The following ZNF385D variants were observed in gnomAD, a reference collection of about 807,000 sequenced individuals.
ZNF385D encodes zinc finger protein 385D, also known as zinc finger protein 659.
A neutral mutation model predicts 35.8 loss-of-function variants in ZNF385D; 15 were observed. The ratio of observed to expected loss-of-function variants is 0.42; its 90% CI spans 0.28 to 0.64. ZNF385D has a LOEUF of 0.64. ZNF385D is among the 30% of genes least tolerant of loss of function. ZNF385D has a pLI of 0.23. For synonymous variants in ZNF385D, 212 were observed against 186.8 expected (o/e 1.13, Z -1.10); for missense variants, 474 against 494.6 (o/e 0.96, Z 0.39).
rs575478577 is a variant in ZNF385D, at chr3:21,859,028, A to G, written c.326-194000T>C. Among the ~76,000 whole-genome samples, 15 of 152,176 alleles carry G rather than the reference A, an allele frequency of 9.9e-5. No individual in the cohort carries two copies. The South Asian group carries it at 3.1e-3, about 32-fold the overall frequency. On this transcript the variant is annotated intron_variant, in intron 3 of 5. Coordinates refer to the ZNF385D transcript ENST00000494108. ...AGATATCACAATCATCCTCATACAT[A>G]TAACGGGGGGAAGTAGGCGGGGAGA...
At chr3:21,981,283 CATT>C (rs1694430626) in intron 3 of ZNF385D, among the ~76,000 whole-genome samples, 1 of 152,136 alleles carries the variant, frequency 6.6e-6, no homozygotes, top group African/African-American at 2.4e-5. Context: ...GATGGTAACT[CATT>C]GTGGTTTTGA....
chr3:21,516,283 C>G (rs891648625), intron 3 of ZNF385D, among the ~76,000 whole-genome samples: 1 of 152,158 alleles, frequency 6.6e-6, no homozygotes, highest in Non-Finnish European at 1.5e-5. Context: ...AACTGGTTTT[C>G]TGTGTGCAGT....
intron 2 of ZNF385D, among the ~76,000 whole-genome samples, chr3:21,570,680 A>C (rs2063308368): frequency 6.6e-6 from 1 of 152,152 alleles, no homozygotes; most frequent in African/African-American, 2.4e-5. Flanking sequence ...ATCCTAAGTT[A>C]CTGAGGAGCT....
chr3:21,746,625 T>C (rs987733345), intron 1 of ZNF385D, among the ~76,000 whole-genome samples: 1 of 152,216 alleles, frequency 6.6e-6, no homozygotes, highest in Non-Finnish European at 1.5e-5. Flanking sequence ...ACTTTAGACA[T>C]AGAAGTTTCT....
At chr3:21,530,660 G>GT (rs960729922) in intron 3 of ZNF385D, among the ~76,000 whole-genome samples, 3 of 151,882 alleles carry the variant, frequency 2.0e-5, no homozygotes, top group South Asian at 2.1e-4. Flanking sequence ...GATCAAACAA[G>GT]TTTTTTTTCG....
chr3:21,771,780 T>C (rs1322677592), intron 3 of ZNF385D, among the ~76,000 whole-genome samples: 2 of 151,584 alleles, frequency 1.3e-5, no homozygotes, highest in Non-Finnish European at 1.5e-5. Flanking sequence ...GCAAATACAA[T>C]CTTGAAAATA....
chr3:21,663,279 G>A (rs2066292224), intron 2 of ZNF385D, among the ~76,000 whole-genome samples: 1 of 152,140 alleles, frequency 6.6e-6, no homozygotes, highest in African/African-American at 2.4e-5. Flanking sequence ...TATGTTAAAT[G>A]ATATTCATTG....
chr3:21,783,333 G>A (rs985072783), intron 3 of ZNF385D, among the ~76,000 whole-genome samples: 1 of 152,112 alleles, frequency 6.6e-6, no homozygotes, highest in Admixed American at 6.6e-5. Flanking sequence ...CTCCCAGGGA[G>A]TCTCAAATAT....
chr3:21,429,925 T>C (rs1045451787), intron 5 of ZNF385D, among the ~76,000 whole-genome samples: 2 of 150,416 alleles, frequency 1.3e-5, no homozygotes, highest in East Asian at 3.9e-4. Context: ...TGCAAAGCTG[T>C]TTTTTTTTGC....
intron 3 of ZNF385D, among the ~76,000 whole-genome samples, chr3:21,767,062 C>A (rs535526927): frequency 1.4e-5 from 2 of 143,472 alleles, no homozygotes; most frequent in Non-Finnish European, 3.0e-5. Context: ...TGCGTACAAC[C>A]CCCCCACCCA....
chr3:22,354,124 G>A (rs569865905), intron 2 of ZNF385D, among the ~76,000 whole-genome samples: 1 of 152,056 alleles, frequency 6.6e-6, no homozygotes, highest in Non-Finnish European at 1.5e-5. Flanking sequence ...TGTGGAAAGA[G>A]AAACATAGTT....
chr3:21,943,296 ATGTG>A (rs1043397376), intron 3 of ZNF385D, among the ~76,000 whole-genome samples: 2 of 150,676 alleles, frequency 1.3e-5, no homozygotes, highest in African/African-American at 2.4e-5. Flanking sequence ...GTGTGTATAG[ATGTG>A]TGTGTGTGTA....
chr3:22,001,765 A>G (rs754090869), intron 3 of ZNF385D, among the ~76,000 whole-genome samples: 1 of 152,048 alleles, frequency 6.6e-6, no homozygotes, highest in Non-Finnish European at 1.5e-5. Context: ...TAAATCCTAT[A>G]AAGTATTTTT....
chr3:21,477,340 A>G (rs1229053414), intron 4 of ZNF385D, among the ~76,000 whole-genome samples: 2 of 152,122 alleles, frequency 1.3e-5, no homozygotes, highest in African/African-American at 4.8e-5. Context: ...AGGCAGAAGA[A>G]TCACTTGAGC....
chr3:21,879,843 G>A (rs1698184065), intron 3 of ZNF385D, among the ~76,000 whole-genome samples: 1 of 151,884 alleles, frequency 6.6e-6, no homozygotes, highest in Non-Finnish European at 1.5e-5. Flanking sequence ...ACAATGAATA[G>A]GAGAAAAGCG....
chr3:22,218,312 T>A (rs1454435383), intron 2 of ZNF385D, among the ~76,000 whole-genome samples: 1 of 152,110 alleles, frequency 6.6e-6, no homozygotes, highest in African/African-American at 2.4e-5. Context: ...TATTTACTTT[T>A]ATGTATTTTT....
intron 3 of ZNF385D, among the ~76,000 whole-genome samples, chr3:22,083,536 A>C (rs1700871251): frequency 6.6e-6 from 1 of 152,220 alleles, no homozygotes; most frequent in African/African-American, 2.4e-5. Context: ...TAGAGAAAAA[A>C]GAGTAAAAAT....
intron 2 of ZNF385D, among the ~76,000 whole-genome samples, chr3:22,232,244 C>T (rs1205802456): frequency 6.6e-6 from 1 of 151,890 alleles, no homozygotes; most frequent in African/African-American, 2.4e-5. Flanking sequence ...GCTAGTATAA[C>T]TAAAAATTTT....
At chr3:21,783,491 C>A (rs935214426) in intron 3 of ZNF385D, among the ~76,000 whole-genome samples, 47 of 151,986 alleles carry the variant, frequency 3.1e-4, no homozygotes, top group Non-Finnish European at 2.9e-5. Context: ...TTTGGAGAGA[C>A]CTTATTTTTT....
Sources: gnomAD v4.1 joint callset for allele counts (sites outside exome capture counted in the v4.1 genomes callset) on GRCh38, gnomAD v4.1.1 for gene constraint, MANE v1.5 for transcripts, NCBI Gene and HGNC (gene_info 2026-07-23, HGNC 2026-07-21) for gene names.